NUMB: variants seen among roughly 807,000 people sequenced by gnomAD.
NUMB encodes protein numb homolog.
NUMB carries 29 observed loss-of-function variants against 59.7 expected under a neutral mutation model. The observed-to-expected ratio is 0.49, with a 90% CI of 0.36 to 0.66. NUMB has a LOEUF of 0.66. Among genes scored for constraint, NUMB ranks in the 30% least tolerant of loss-of-function variants. The pLI is 0.00. For missense variants in NUMB, 723 were observed against 822.0 expected (o/e 0.88, Z 1.47); for synonymous variants, 288 against 288.2 (o/e 1.00, Z 0.01).
chr14:73,282,674 C>A (rs1888711215), intron 10 of NUMB, among the ~76,000 whole-genome samples, 169 bp from the exon 11 acceptor site: 1 of 152,208 alleles, frequency 6.6e-6, no homozygotes, highest in South Asian at 2.1e-4. Flanking sequence ...TTACTGGCCA[C>A]AATTTCATTG....
In NUMB at chr14:73,317,594, G is replaced by A. The variant is rs367645166; in HGVS notation, c.202-1172C>T. Among the ~76,000 whole-genome samples the A allele has an allele frequency of 5.3e-5, 8 of 152,224 alleles. No individual in the cohort carries two copies. The South Asian group carries it at 1.2e-3, about 24-fold the overall frequency. Reference sequence around the variant, plus strand: ...TGGAATTACAGACATGGGCCACTGCGCCCAACCTAAAAGCTGTTATTTTAA... The same window carrying A: ...TGGAATTACAGACATGGGCCACTGCACCCAACCTAAAAGCTGTTATTTTAA... On this transcript the variant is annotated intron_variant, in intron 5 of 12. Coordinates refer to ENST00000555238, the MANE Select transcript of NUMB (RefSeq NM_001005743.2).
intron 3 of NUMB, among the ~76,000 whole-genome samples, chr14:73,361,942 T>C: frequency 6.6e-6 from 1 of 152,118 alleles, no homozygotes. Context: ...GATGTACCAC[T>C]ATTTTATGTT....
intron 1 of NUMB, among the ~76,000 whole-genome samples, chr14:73,418,021 C>T (rs1249135918): frequency 6.6e-6 from 1 of 151,904 alleles, no homozygotes; most frequent in Non-Finnish European, 1.5e-5. Flanking sequence ...AGGAGAATCA[C>T]TTGAACCCAG....
chr14:73,456,373 G>T (rs1226114770), intron 1 of NUMB, among the ~76,000 whole-genome samples: 1 of 152,198 alleles, frequency 6.6e-6, no homozygotes, highest in Non-Finnish European at 1.5e-5. Context: ...GCCTCCCAAA[G>T]TGCTGGGATT....
intron 1 of NUMB, among the ~76,000 whole-genome samples, chr14:73,456,551 T>C (rs953895308): frequency 1.3e-5 from 2 of 152,252 alleles, no homozygotes; most frequent in Non-Finnish European, 2.9e-5. Context: ...CCAAATGCAA[T>C]GTCAGTTTAT....
chr14:73,286,383 T>G (rs141694590), intron 9 of NUMB: 1 of 152,224 alleles, frequency 6.6e-6, no homozygotes, highest in African/African-American at 2.4e-5. Flanking sequence ...TTGTTTGTGC[T>G]TGTCTTGTTG....
intron 1 of NUMB, among the ~76,000 whole-genome samples, chr14:73,427,159 G>A (rs553263478): frequency 7.9e-5 from 12 of 152,266 alleles, no homozygotes; most frequent in Non-Finnish European, 1.6e-4. Flanking sequence ...TAACTCTTAA[G>A]TTGCATGACC....
intron 2 of NUMB, among the ~76,000 whole-genome samples, chr14:73,392,919 T>C (rs747287690): frequency 2.6e-5 from 4 of 152,094 alleles, no homozygotes; most frequent in Non-Finnish European, 5.9e-5. Context: ...GGGGGAGTTC[T>C]ATGAAGTCCC....
intron 3 of NUMB, among the ~76,000 whole-genome samples, chr14:73,358,345 T>C (rs1893921625): frequency 6.6e-6 from 1 of 152,194 alleles, no homozygotes; most frequent in South Asian, 2.1e-4. Context: ...TCACACCACC[T>C]TCAAGACAAA....
chr14:73,350,465 G>A (rs763133077), intron 4 of NUMB, among the ~76,000 whole-genome samples: 1 of 151,730 alleles, frequency 6.6e-6, no homozygotes, highest in Non-Finnish European at 1.5e-5. Flanking sequence ...GAGCCACTGT[G>A]CCCAGCCTGT....
chr14:73,364,945 A>C (rs1267750535), intron 3 of NUMB, among the ~76,000 whole-genome samples: 1 of 152,230 alleles, frequency 6.6e-6, no homozygotes, highest in Non-Finnish European at 1.5e-5. Context: ...TAGTTAAGGC[A>C]AGAGAAAGAA....
At chr14:73,365,758 T>G (rs991633735) in intron 3 of NUMB, among the ~76,000 whole-genome samples, 14 of 151,756 alleles carry the variant, frequency 9.2e-5, no homozygotes, top group Non-Finnish European at 1.6e-4. Flanking sequence ...GATATAAACT[T>G]ACTATTAGTA....
At chr14:73,407,181 C>A (rs955063479) in intron 2 of NUMB, among the ~76,000 whole-genome samples, 5 of 150,762 alleles carry the variant, frequency 3.3e-5, no homozygotes, top group South Asian at 2.1e-4. Flanking sequence ...ACAAAAAAAA[C>A]AAACTCACTC....
intron 1 of NUMB, among the ~76,000 whole-genome samples, chr14:73,442,703 A>AT (rs1281651724): frequency 3.3e-5 from 5 of 152,242 alleles, no homozygotes; most frequent in African/African-American, 1.2e-4. Flanking sequence ...AATTCTAGAA[A>AT]TTGCAAACTA....
intron 6 of NUMB, among the ~76,000 whole-genome samples, chr14:73,301,022 T>C (rs1045990782): frequency 6.6e-6 from 1 of 152,232 alleles, no homozygotes; most frequent in Non-Finnish European, 1.5e-5. Flanking sequence ...TCATGTAACA[T>C]TTAGTATTTT....
chr14:73,413,090 A>G (rs1274688447), intron 1 of NUMB, among the ~76,000 whole-genome samples: 1 of 150,152 alleles, frequency 6.7e-6, no homozygotes, highest in Non-Finnish European at 1.5e-5. Flanking sequence ...ATTATTTATT[A>G]TTATTATTTT....
At chr14:73,434,787 C>G (rs1897981699) in intron 1 of NUMB, among the ~76,000 whole-genome samples, 1 of 152,150 alleles carries the variant, frequency 6.6e-6, no homozygotes, top group Non-Finnish European at 1.5e-5. Flanking sequence ...TTGAATCATT[C>G]AACTTATCAA....
intron 2 of NUMB, among the ~76,000 whole-genome samples, chr14:73,381,679 T>C (rs945791804): frequency 1.4e-4 from 21 of 152,288 alleles, no homozygotes; most frequent in African/African-American, 4.6e-4. Context: ...TAAAGGCACC[T>C]TTCCTCCCTA....
intron 2 of NUMB, among the ~76,000 whole-genome samples, chr14:73,401,483 G>C (rs142563949): frequency 6.0e-4 from 90 of 150,598 alleles, no homozygotes; most frequent in Non-Finnish European, 1.1e-3. Context: ...AAGAAGTACA[G>C]ATCTGGAAGG....
Sources: allele counts gnomAD v4.1 joint callset (sites outside exome capture counted in the v4.1 genomes callset), GRCh38; gene constraint gnomAD v4.1.1; transcripts MANE v1.5; gene names NCBI Gene and HGNC (gene_info 2026-07-23, HGNC 2026-07-21).